Variants in PRKACA observed in about 807,000 individuals in gnomAD.
PRKACA encodes cAMP-dependent protein kinase catalytic subunit alpha.
In PRKACA, 9 loss-of-function variants were observed where a neutral mutation model predicts 45.8. That is an observed-to-expected ratio of 0.20 (90% CI 0.12 to 0.34). The LOEUF is 0.34. Ranked by LOEUF, PRKACA falls within the 10% of genes least tolerant of loss-of-function variation. PRKACA has a pLI of 1.00. For synonymous variants in PRKACA, 160 were observed against 178.6 expected (o/e 0.90, Z 0.83); for missense variants, 238 against 458.6 (o/e 0.52, Z 4.39).
intron 4 of PRKACA, 144 bp from the exon 5 acceptor site, chr19:14,101,052 C>A: frequency 2.9e-6 from 2 of 691,812 alleles, no homozygotes; most frequent in Non-Finnish European, 2.6e-6. Context: ...TCTACAGGGG[C>A]GACCCTTATC....
rs552976925 is a variant in PRKACA at position 14,097,017 on chromosome 19, C to A, written c.765+344G>T. 9.6e-5 allele frequency: 35 copies of A among 362,766 alleles called. No homozygotes were observed. The highest frequency in any genetic ancestry group is 7.4e-4 in the South Asian group (34 of 45,760). 22.5% of individuals were successfully genotyped at this position (362,766 alleles called of 1,614,324 possible). On this transcript the variant is annotated intron_variant, in intron 8 of 9. Coordinates refer to ENST00000308677, the MANE Select transcript of PRKACA (RefSeq NM_002730.4). This position sits in a 1 kb window ranked among gnomAD's most constrained non-coding sequence, Gnocchi z 5.4. ...CCTGGGAACAGGAACCAAATACATT[C>A]GTTTTTCTGCCTTGGAATTTGCGAA...
chr19:14,115,861 G>A (rs1294451231), intron 1 of PRKACA, among the ~76,000 whole-genome samples: 2 of 151,756 alleles, frequency 1.3e-5, no homozygotes, highest in Non-Finnish European at 2.9e-5. Context: ...ACCTGCTGGG[G>A]GCCTGACTCC....
At chr19:14,109,458 C>CA (rs976640820) in intron 1 of PRKACA, among the ~76,000 whole-genome samples, 1 of 149,712 alleles carries the variant, frequency 6.7e-6, no homozygotes, top group Non-Finnish European at 1.5e-5. Flanking sequence ...CAAAACAAAA[C>CA]AAAAAAATTA....
intron 1 of PRKACA, 30 bp downstream of exon 1, chr19:14,117,458 TGGCAGCGCAGGGCC>T: frequency 8.0e-7 from 1 of 1,256,930 alleles, no homozygotes; most frequent in Non-Finnish European, 1.0e-6. Flanking sequence ...AGGCCAGGGC[TGGCAGCGCAGGGCC>T]AAGATCGGGG....
At chr19:14,103,078 G>C (rs1977493524) in intron 3 of PRKACA, among the ~76,000 whole-genome samples, 164 bp from the exon 4 acceptor site, 1 of 152,162 alleles carries the variant, frequency 6.6e-6, no homozygotes, top group African/African-American at 2.4e-5. Flanking sequence ...TGAGGACACA[G>C]CATCAGGGAG....
intron 8 of PRKACA, among the ~76,000 whole-genome samples, chr19:14,095,408 A>T (rs1977215470): frequency 6.6e-6 from 1 of 151,728 alleles, no homozygotes; most frequent in African/African-American, 2.4e-5. Context: ...TGACCTCGTG[A>T]TCCGCCCGCC....
At chr19:14,106,982 G>A (rs1977631725) in intron 2 of PRKACA, 94 bp from the exon 3 acceptor site, 2 of 1,535,568 alleles carry the variant, frequency 1.3e-6, no homozygotes, top group Non-Finnish European at 1.8e-6. Context: ...CGGCAGAGGG[G>A]GCCCCGGGGA....
intron 3 of PRKACA, 85 bp downstream of exon 3, chr19:14,106,675 C>T (rs902609278): frequency 2.0e-5 from 31 of 1,552,614 alleles, no homozygotes; most frequent in South Asian, 1.4e-4. Flanking sequence ...AGTGAGTGAA[C>T]GGGTGGATAG....
chr19:14,107,563 T>C, intron 1 of PRKACA, 154 bp from the exon 2 acceptor site: 1 of 1,307,098 alleles, frequency 7.7e-7, no homozygotes, highest in Non-Finnish European at 1.0e-6. Flanking sequence ...GGCTGGGCCG[T>C]GGCCTGGGCC....
At position 14,098,101 on chromosome 19, in the gene PRKACA, A is replaced by G. The variant is rs1281380000; in HGVS notation, c.420-211T>C. ...TCACAGACTGAGCTATAGTCATACAATGGAATTCCACTCACCACCACCACC... is the reference window on the plus strand; with the variant it reads ...TCACAGACTGAGCTATAGTCATACAGTGGAATTCCACTCACCACCACCACC... On this transcript the variant is annotated intron_variant, in intron 5 of 9. Transcript: ENST00000308677. The G allele has an allele frequency of 7.3e-6, 4 of 551,322 alleles. No homozygotes were observed. The African/African-American group carries it at 7.5e-5, about 10-fold the overall frequency. The allele number at this position is 551,322 out of a possible 1,614,324, so 34.2% of individuals were successfully genotyped here.
chr19:14,111,050 T>A (rs896815468), intron 1 of PRKACA, among the ~76,000 whole-genome samples: 1 of 152,294 alleles, frequency 6.6e-6, no homozygotes, highest in South Asian at 2.1e-4. Flanking sequence ...CCACTACCTG[T>A]CTCCAGAGCT....
chr19:14,093,310 G>A, intron 9 of PRKACA, 73 bp from the exon 10 acceptor site: 1 of 1,550,572 alleles, frequency 6.4e-7, no homozygotes, highest in South Asian at 1.2e-5. Context: ...AATGCGAATG[G>A]CCTAACATTC....
chr19:14,095,404 C>T (rs1227785397), intron 8 of PRKACA, among the ~76,000 whole-genome samples: 2 of 151,916 alleles, frequency 1.3e-5, no homozygotes, highest in African/African-American at 2.4e-5. Context: ...CTCCTGACCT[C>T]GTGATCCGCC....
intron 3 of PRKACA, among the ~76,000 whole-genome samples, chr19:14,104,336 C>CA (rs769115807): frequency 0.069 from 3,282 of 47,686 alleles, 225 homozygotes; most frequent in African/African-American, 0.18. Context: ...GACTCCGTCT[C>CA]AAAAAAAAAA....
Position 14,104,874 on chromosome 19 carries a change from AAAAAC to A in PRKACA, c.237+1881_237+1885del, listed in dbSNP as rs554353174. Reference sequence around the variant, plus strand: ...GGCAACAAGAGCGAAACTCCATCTCAAAAACAAAACAAAACAAAACAAAACAAAAA... The same window carrying A: ...GGCAACAAGAGCGAAACTCCATCTCAAAAACAAAACAAAACAAAACAAAAA... On this transcript the variant is annotated intron_variant, in intron 3 of 9. Transcript: ENST00000308677. 1.2e-4 allele frequency among the ~76,000 whole-genome samples: 18 copies of A among 152,186 alleles called. 1 individual carries two copies. The South Asian group carries it at 1.9e-3, about 16-fold the overall frequency.
In PRKACA at chr19:14,102,932, G is replaced by C; in HGVS notation, c.238-18C>G. 4.4e-6 allele frequency: 7 copies of C among 1,598,740 alleles called. No individual in the cohort carries two copies. The highest frequency in any genetic ancestry group is 6.0e-6 in the Non-Finnish European group (7 of 1,165,960). ...TTCACCACCTGGGAAGGGAAGGAGGGGAGGGCAGAAAGGAGGGGGAGGTGA... is the reference window on the plus strand; with the variant it reads ...TTCACCACCTGGGAAGGGAAGGAGGCGAGGGCAGAAAGGAGGGGGAGGTGA... On this transcript the variant is annotated intron_variant, in intron 3 of 9. Coordinates refer to ENST00000308677, the MANE Select transcript of PRKACA (RefSeq NM_002730.4).
At chr19:14,100,958 G>C in intron 4 of PRKACA, 50 bp from the exon 5 acceptor site, 1 of 1,539,724 alleles carries the variant, frequency 6.5e-7, no homozygotes, top group Non-Finnish European at 9.0e-7. Flanking sequence ...ACTTGGACCC[G>C]ATCTGAAGGC....
At chr19:14,094,878 C>T (rs970452880) in intron 8 of PRKACA, among the ~76,000 whole-genome samples, 8 of 152,262 alleles carry the variant, frequency 5.3e-5, no homozygotes, top group Admixed American at 5.2e-4. Context: ...TGAGCCCACG[C>T]CTTGTATGCA....
At position 14,102,802 on chromosome 19, in the gene PRKACA, C is replaced by G; in HGVS notation, c.336+14G>C. 1 of 1,610,660 alleles carries G rather than the reference C, an allele frequency of 6.2e-7. No homozygotes were observed. The highest frequency in any genetic ancestry group is 8.5e-7 in the Non-Finnish European group (1 of 1,176,796). The stretch of plus-strand genomic sequence containing the variant: ...AATGCAGTGACCCCCCGCCCTTGGC[C>G]ACTGGGACCCCACCTTGAAGGAGAA... On this transcript the variant is annotated intron_variant, in intron 4 of 9. Transcript: ENST00000308677.
Sources: gnomAD v4.1 joint callset for allele counts (sites outside exome capture counted in the v4.1 genomes callset) on GRCh38, gnomAD v4.1.1 for gene constraint, Gnocchi (gnomAD v3.1) non-coding constraint, MANE v1.5 for transcripts, NCBI Gene and HGNC (gene_info 2026-07-23, HGNC 2026-07-21) for gene names.